The following CLDN10 variants were observed in gnomAD, a reference collection of about 807,000 sequenced individuals.
CLDN10 encodes claudin-10.
A neutral mutation model predicts 22.9 loss-of-function variants in CLDN10; 15 were observed. The ratio of observed to expected loss-of-function variants is 0.65; its 90% CI spans 0.44 to 1.01. The LOEUF (loss-of-function observed/expected upper bound fraction) is 1.01, where lower values mean the gene tolerates loss of function less well. CLDN10 is among the 50% of genes least tolerant of loss of function. CLDN10 has a pLI of 0.00. For missense variants in CLDN10, 247 were observed against 287.8 expected, an observed-to-expected ratio of 0.86 and a Z score of 1.03; for synonymous variants, 114 against 111.4, an observed-to-expected ratio of 1.02 and a Z score of -0.15.
At chr13:95,526,968 A>G (rs1016288652) in intron 1 of CLDN10, among the ~76,000 whole-genome samples, 1 of 152,192 alleles carries the variant, frequency 6.6e-6, no homozygotes, top group Non-Finnish European at 1.5e-5. Context: ...CCCAGAGAGT[A>G]TACTTCCAGC....
At chr13:95,452,460 T>C (rs1056305814) in intron 1 of CLDN10, among the ~76,000 whole-genome samples, 13 of 152,234 alleles carry the variant, frequency 8.5e-5, no homozygotes, top group Admixed American at 2.6e-4. Context: ...CTCTCGATTA[T>C]TAATGAATTT....
chr13:95,434,639 C>T (rs972162824), intron 1 of CLDN10, among the ~76,000 whole-genome samples: 19 of 151,864 alleles, frequency 1.3e-4, no homozygotes, highest in African/African-American at 4.4e-4. Flanking sequence ...CATGCACACA[C>T]ATATGTAACA....
chr13:95,576,204 C>T (rs2043921781), intron 3 of CLDN10, among the ~76,000 whole-genome samples: 1 of 152,112 alleles, frequency 6.6e-6, no homozygotes, highest in Non-Finnish European at 1.5e-5. Context: ...TCCCCTGCAC[C>T]CTGAGGAAGG....
intron 1 of CLDN10, among the ~76,000 whole-genome samples, chr13:95,474,537 G>A (rs927695242): frequency 6.6e-6 from 1 of 152,306 alleles, no homozygotes; most frequent in Non-Finnish European, 1.5e-5. Context: ...AGCACAGAGC[G>A]GAGAAATAGG....
intron 3 of CLDN10, among the ~76,000 whole-genome samples, chr13:95,571,648 G>C (rs1396607369): frequency 1.3e-5 from 2 of 152,116 alleles, no homozygotes; most frequent in African/African-American, 2.4e-5. Context: ...GGGAAATGCT[G>C]ATAATTGCTG....
At chr13:95,492,977 G>T (rs1283661621) in intron 1 of CLDN10, among the ~76,000 whole-genome samples, 1 of 152,172 alleles carries the variant, frequency 6.6e-6, no homozygotes, top group African/African-American at 2.4e-5. Context: ...GAAGAGGAGG[G>T]TCCCCCTTTC....
chr13:95,540,476 A>G lies in CLDN10; in HGVS notation c.215-19656A>G, dbSNP rs142314831. 8.3e-3 allele frequency among the ~76,000 whole-genome samples: 1,270 copies of G among 152,270 alleles called. 18 individuals carry two copies. The highest frequency in any genetic ancestry group is 0.028 in the African/African-American group (1,175 of 41,554). On this transcript the variant is annotated intron_variant, in intron 1 of 4. Coordinates refer to the CLDN10 transcript ENST00000376873. Reference sequence around the variant, plus strand: ...ACCACTGCACACCAGCCTGGGCAGCAGAGCAGAGACAGACTCTGTCTCAAA... The same window carrying G: ...ACCACTGCACACCAGCCTGGGCAGCGGAGCAGAGACAGACTCTGTCTCAAA...
chr13:95,467,596 C>CT (rs2042593247), intron 1 of CLDN10, among the ~76,000 whole-genome samples: 1 of 151,970 alleles, frequency 6.6e-6, no homozygotes, highest in Non-Finnish European at 1.5e-5. Context: ...CTATACTCTG[C>CT]TTTTTGTTGA....
intron 1 of CLDN10, among the ~76,000 whole-genome samples, chr13:95,442,603 G>A (rs1253973310): frequency 6.6e-6 from 1 of 152,164 alleles, no homozygotes; most frequent in African/African-American, 2.4e-5. Context: ...CCCCCTTTGG[G>A]CTCCACAGGG....
At chr13:95,514,537 G>T (rs1165791116) in intron 1 of CLDN10, among the ~76,000 whole-genome samples, 5 of 152,078 alleles carry the variant, frequency 3.3e-5, no homozygotes, top group African/African-American at 4.8e-5. Context: ...AGACCCCAAG[G>T]TTTGAGAAGA....
intron 1 of CLDN10, among the ~76,000 whole-genome samples, chr13:95,553,490 G>C (rs949402023): frequency 6.6e-6 from 1 of 152,228 alleles, no homozygotes; most frequent in East Asian, 1.9e-4. Context: ...GGTGGGGGTT[G>C]AGAGGTTGGA....
At chr13:95,495,760 A>AAAG (rs1555292631) in intron 1 of CLDN10, among the ~76,000 whole-genome samples, 63 of 129,364 alleles carry the variant, frequency 4.9e-4, no homozygotes, top group Middle Eastern at 4.2e-3. Flanking sequence ...AAAAAAAAAG[A>AAAG]AAAGAAAGAA....
intron 1 of CLDN10, among the ~76,000 whole-genome samples, chr13:95,478,696 C>T (rs1275476770): frequency 2.0e-5 from 3 of 152,218 alleles, no homozygotes; most frequent in Non-Finnish European, 2.9e-5. Context: ...TTCTGCTTCC[C>T]CCTAGTGGTG....
In CLDN10 at chr13:95,532,792, C is replaced by CAAAAAAAAAAAAAAAAAAAAAAAAAA. The variant is rs57500288; in HGVS notation, c.215-27318_215-27317insAAAAAAAAAAAAAAAAAAAAAAAAAA. ...CTTCAGATACTGGAACTCAATTCAG[C>CAAAAAAAAAAAAAAAAAAAAAAAAAA]AAAAAAAAAAAAAAAAAAAAAAGAA... On this transcript the variant is annotated intron_variant, in intron 1 of 4. Coordinates refer to the CLDN10 transcript ENST00000376873. 6.4e-5 allele frequency among the ~76,000 whole-genome samples: 4 copies of CAAAAAAAAAAAAAAAAAAAAAAAAAA among 62,020 alleles called. 2 individuals carry two copies. The highest frequency in any genetic ancestry group is 5.5e-5 in the Non-Finnish European group (2 of 36,286). The allele number at this position is 62,020 out of a possible 152,430, so 40.7% of individuals were successfully genotyped here.
intron 1 of CLDN10, among the ~76,000 whole-genome samples, chr13:95,491,516 A>C (rs918393188): frequency 6.6e-6 from 1 of 151,986 alleles, no homozygotes; most frequent in Admixed American, 6.6e-5. Context: ...GAATTTTTAA[A>C]TTATTTTTTT....
At chr13:95,470,566 C>T (rs1252367400) in intron 1 of CLDN10, among the ~76,000 whole-genome samples, 1 of 152,288 alleles carries the variant, frequency 6.6e-6, no homozygotes, top group African/African-American at 2.4e-5. Flanking sequence ...TTACAGCCAA[C>T]CCCCGAAGGC....
intron 1 of CLDN10, among the ~76,000 whole-genome samples, chr13:95,466,876 C>CTTTTTTTTTTTT: frequency 7.3e-6 from 1 of 136,890 alleles, no homozygotes. Context: ...ACCCCCTCTA[C>CTTTTTTTTTTTT]TTTTTTTTTT....
intron 1 of CLDN10, among the ~76,000 whole-genome samples, chr13:95,514,484 T>C (rs1012903495): frequency 6.6e-6 from 1 of 151,118 alleles, no homozygotes; most frequent in Non-Finnish European, 1.5e-5. Context: ...ACCTTTTATG[T>C]AGAGGGTGGG....
chr13:95,510,030 C>G (rs2043079385), intron 1 of CLDN10, among the ~76,000 whole-genome samples: 1 of 152,220 alleles, frequency 6.6e-6, no homozygotes, highest in Non-Finnish European at 1.5e-5. Flanking sequence ...ACTACCAAAA[C>G]TACCAATGTG....
Sources: allele counts gnomAD v4.1 joint callset (sites outside exome capture counted in the v4.1 genomes callset), GRCh38; gene constraint gnomAD v4.1.1; transcripts MANE v1.5; gene names NCBI Gene and HGNC (gene_info 2026-07-23, HGNC 2026-07-21).